Variants in STAU2 observed in about 807,000 individuals in gnomAD.
STAU2 encodes the protein double-stranded RNA-binding protein Staufen homolog 2.
A neutral mutation model predicts 65.9 loss-of-function variants in STAU2; 20 were observed. The ratio of observed to expected loss-of-function variants is 0.30; its 90% confidence interval spans 0.21 to 0.44. The LOEUF (loss-of-function observed/expected upper bound fraction) is 0.44. Ranked by LOEUF, STAU2 falls within the 20% of genes least tolerant of loss-of-function variation. STAU2 has a pLI of 1.00. For missense variants in STAU2, 558 were observed against 683.9 expected (o/e 0.82, Z 2.05); for synonymous variants, 232 against 233.9 (o/e 0.99, Z 0.07).
chr8:73,743,921 A>G (rs1205478303), intron 1 of STAU2, among the ~76,000 whole-genome samples: 4 of 149,498 alleles, frequency 2.7e-5, no homozygotes, highest in African/African-American at 9.9e-5. Context: ...ACAGGCGCGC[A>G]CCACCACACC....
intron 4 of STAU2, among the ~76,000 whole-genome samples, chr8:73,699,993 A>T (rs1419726509): frequency 6.6e-6 from 1 of 152,110 alleles, no homozygotes; most frequent in Non-Finnish European, 1.5e-5. Context: ...AGTGGGATTT[A>T]TCACAGTGAT....
intron 13 of STAU2, among the ~76,000 whole-genome samples, chr8:73,542,806 G>T (rs755280053): frequency 6.6e-6 from 1 of 152,036 alleles, no homozygotes; most frequent in Non-Finnish European, 1.5e-5. Flanking sequence ...CCATATTAAC[G>T]TGTACAACCC....
intron 10 of STAU2, among the ~76,000 whole-genome samples, chr8:73,602,406 A>G (rs1336454773): frequency 6.6e-6 from 1 of 152,222 alleles, no homozygotes; most frequent in East Asian, 1.9e-4. Flanking sequence ...TGACTAACCA[A>G]TTATTTAAAA....
In STAU2 at chr8:73,448,170, C is replaced by T. The variant is rs115182756; in HGVS notation, c.1531-25468G>A. Among the ~76,000 whole-genome samples the T allele has an allele frequency of 1.8e-3, 280 of 152,320 alleles. 1 individual carries two copies. The highest frequency in any genetic ancestry group is 6.3e-3 in the African/African-American group (262 of 41,554). On this transcript the variant is annotated intron_variant, in intron 13 of 14. Coordinates refer to ENST00000524300, the MANE Select transcript of STAU2 (RefSeq NM_001164380.2). ...CCTCTCCCTCCCAGCTGCAGGTACC[C>T]ATGAGTGTTAAACTAGAGAAGGCAA...
At chr8:73,527,142 G>T (rs1805501706) in intron 13 of STAU2, among the ~76,000 whole-genome samples, 1 of 152,204 alleles carries the variant, frequency 6.6e-6, no homozygotes, top group Non-Finnish European at 1.5e-5. Flanking sequence ...GTACACGTTT[G>T]TAGTGGGAGC....
chr8:73,614,351 G>A (rs992115850), intron 8 of STAU2, among the ~76,000 whole-genome samples: 4 of 152,184 alleles, frequency 2.6e-5, no homozygotes, highest in South Asian at 2.1e-4. Flanking sequence ...TCCTATGTAC[G>A]AGTAAGTTGC....
chr8:73,487,596 C>T (rs749600862), intron 13 of STAU2, among the ~76,000 whole-genome samples: 1 of 152,094 alleles, frequency 6.6e-6, no homozygotes, highest in Non-Finnish European at 1.5e-5. Flanking sequence ...TCCTGCTGCA[C>T]TCTGCAATTT....
chr8:73,551,627 TA>T, intron 13 of STAU2: 5 of 991,928 alleles, frequency 5.0e-6, no homozygotes, highest in Admixed American at 6.1e-5. Context: ...AATCCTTATG[TA>T]AAAAAAGGGA....
chr8:73,583,187 C>T (rs1810119766), intron 11 of STAU2, among the ~76,000 whole-genome samples: 2 of 150,924 alleles, frequency 1.3e-5, no homozygotes, highest in Non-Finnish European at 2.9e-5. Flanking sequence ...CATTCTGTCG[C>T]CCAGGCTGGA....
chr8:73,502,406 G>A (rs566368951), intron 13 of STAU2, among the ~76,000 whole-genome samples: 10 of 151,676 alleles, frequency 6.6e-5, no homozygotes, highest in South Asian at 2.1e-4. Context: ...ATTCAAATTC[G>A]TCATCCTAGT....
At chr8:73,479,828 A>C (rs1186191537) in intron 13 of STAU2, among the ~76,000 whole-genome samples, 1 of 151,644 alleles carries the variant, frequency 6.6e-6, no homozygotes, top group Non-Finnish European at 1.5e-5. Flanking sequence ...TATATCTCTC[A>C]AAGTATCTTC....
intron 12 of STAU2, among the ~76,000 whole-genome samples, chr8:73,553,754 A>G (rs1411142245): frequency 6.6e-6 from 1 of 151,602 alleles, no homozygotes; most frequent in Non-Finnish European, 1.5e-5. Context: ...TTTTCAGTTT[A>G]TGGTATTTTT....
intron 12 of STAU2, among the ~76,000 whole-genome samples, chr8:73,569,413 A>G (rs1808870513): frequency 6.6e-6 from 1 of 152,076 alleles, no homozygotes; most frequent in Admixed American, 6.5e-5. Flanking sequence ...GTCAGCAGAA[A>G]CTTCTGCAGA....
chr8:73,455,914 CG>C (rs1819037406), intron 13 of STAU2, among the ~76,000 whole-genome samples: 1 of 152,118 alleles, frequency 6.6e-6, no homozygotes, highest in African/African-American at 2.4e-5. Flanking sequence ...GATGGATGGA[CG>C]GACGGATGGA....
intron 13 of STAU2, among the ~76,000 whole-genome samples, chr8:73,436,345 T>C (rs989993896): frequency 4.6e-5 from 7 of 151,854 alleles, no homozygotes; most frequent in Non-Finnish European, 1.0e-4. Context: ...GCCATCCTAG[T>C]GGTGGGAGGA....
intron 11 of STAU2, among the ~76,000 whole-genome samples, chr8:73,594,204 G>C (rs1811022591): frequency 6.6e-6 from 1 of 152,098 alleles, no homozygotes; most frequent in African/African-American, 2.4e-5. Context: ...AAAAAGTGTT[G>C]ACTAGCCAGG....
intron 12 of STAU2, among the ~76,000 whole-genome samples, chr8:73,567,376 A>G (rs1808686594): frequency 6.6e-6 from 1 of 152,050 alleles, no homozygotes; most frequent in African/African-American, 2.4e-5. Context: ...GTGTGGTGGC[A>G]TATGCCTGTA....
chr8:73,693,061 T>C (rs1225026094), intron 4 of STAU2, among the ~76,000 whole-genome samples: 1 of 152,026 alleles, frequency 6.6e-6, no homozygotes, highest in Non-Finnish European at 1.5e-5. Flanking sequence ...CTGAGGAAGC[T>C]GAAGCAGGGG....
intron 13 of STAU2, among the ~76,000 whole-genome samples, chr8:73,447,499 A>G (rs1053291473): frequency 6.6e-6 from 1 of 152,246 alleles, no homozygotes; most frequent in African/African-American, 2.4e-5. Context: ...CTTACCAAAA[A>G]TGCTGCAATG....
Sources: allele counts gnomAD v4.1 joint callset (sites outside exome capture counted in the v4.1 genomes callset), GRCh38; gene constraint gnomAD v4.1.1; transcripts MANE v1.5; gene names NCBI Gene and HGNC (gene_info 2026-07-23, HGNC 2026-07-21).